GAB2: variants seen among roughly 807,000 people sequenced by gnomAD.
GAB2 encodes GRB2-associated-binding protein 2.
A neutral mutation model predicts 65.5 loss-of-function variants in GAB2; 26 were observed. That is an observed-to-expected ratio of 0.40 (90% CI 0.29 to 0.55). The LOEUF (loss-of-function observed/expected upper bound fraction) is 0.55, where lower values mean the gene tolerates loss of function less well. Among genes scored for constraint, GAB2 ranks in the 20% least tolerant of loss-of-function variants. The pLI, the probability that GAB2 is intolerant of heterozygous loss-of-function variation, is 0.53. For synonymous variants in GAB2, 321 were observed against 329.6 expected (o/e 0.97, Z 0.28); for missense variants, 884 against 875.8 (o/e 1.01, Z -0.12).
chr11:78,233,876 G>A (rs1864916339), intron 3 of GAB2, among the ~76,000 whole-genome samples: 1 of 152,226 alleles, frequency 6.6e-6, no homozygotes, highest in African/African-American at 2.4e-5. Flanking sequence ...CTCCCAAAGT[G>A]CTGAGATTAC....
chr11:78,266,728 T>C (rs1005195779), intron 2 of GAB2, among the ~76,000 whole-genome samples: 2 of 152,014 alleles, frequency 1.3e-5, no homozygotes, highest in Non-Finnish European at 2.9e-5. Context: ...GCAGAGAGAA[T>C]CACTAAGAGG....
chr11:78,411,610 G>A, intron 1 of GAB2, among the ~76,000 whole-genome samples: 1 of 152,130 alleles, frequency 6.6e-6, no homozygotes, highest in Non-Finnish European at 1.5e-5. Flanking sequence ...GAAGTAGGAT[G>A]GCTTTGTCAA....
intron 1 of GAB2, among the ~76,000 whole-genome samples, chr11:78,297,950 G>C (rs891301737): frequency 6.6e-6 from 1 of 152,128 alleles, no homozygotes; most frequent in Non-Finnish European, 1.5e-5. Flanking sequence ...TTGTTGAGGG[G>C]AATGGGCATA....
rs55656631 is a variant in GAB2 at position 78,216,898 on chromosome 11, G to A, written c.*2374C>T. On this transcript the variant is annotated 3_prime_UTR_variant, in exon 10 of 10. Transcript: ENST00000361507. ...CACCCTGCCAACTCTGCCCAGTGTA[G>A]CTACCACCACTGCTTCCATTCACTT... The A allele has an allele frequency of 6.6e-6, 1 of 152,292 alleles. No individual in the cohort carries two copies. The highest frequency in any genetic ancestry group is 2.4e-5 in the African/African-American group (1 of 41,444). 9.4% of individuals were successfully genotyped at this position (152,292 alleles called of 1,614,324 possible).
rs1267396988 is a variant in GAB2 at position 78,219,303 on chromosome 11, G to A, written c.2000C>T (p.Ser667Phe). 6.2e-7 allele frequency: 1 copy of A among 1,613,846 alleles called. No homozygotes were observed. Among genetic ancestry groups the A allele is most frequent in the South Asian group, 1.1e-5 (1 of 91,074 alleles). Residue 667 changes from serine to phenylalanine, a missense_variant, in exon 10 of 10, where the codon TCC becomes TTC. Transcript: ENST00000361507. ...CTTGGCACCCTTGGAAGGCTCTGAG[G>A]ACTGCCGCACGTCTGTCCACTCCTG... The part of the protein sequence containing the change: ...TMQEWTDVRQ[S>F]SEPSKGAKL
chr11:78,334,970 T>C (rs753869546), intron 1 of GAB2, among the ~76,000 whole-genome samples: 9 of 152,276 alleles, frequency 5.9e-5, no homozygotes, highest in Non-Finnish European at 8.8e-5. Context: ...CATTGTAGTT[T>C]TGATTATGTA....
intron 1 of GAB2, among the ~76,000 whole-genome samples, chr11:78,300,532 C>CAAAAAAAT (rs1255395653): frequency 7.9e-6 from 1 of 126,368 alleles, no homozygotes; most frequent in African/African-American, 2.6e-5. Context: ...AACAAAAAAA[C>CAAAAAAAT]AAAAAACTAC....
chr11:78,395,693 T>C (rs1398304117), intron 1 of GAB2, among the ~76,000 whole-genome samples: 3 of 152,156 alleles, frequency 2.0e-5, no homozygotes, highest in Non-Finnish European at 2.9e-5. Flanking sequence ...AAAAACACAA[T>C]TGTTCATGTT....
At chr11:78,341,341 C>T (rs1364735824) in intron 1 of GAB2, among the ~76,000 whole-genome samples, 13 of 151,990 alleles carry the variant, frequency 8.6e-5, no homozygotes, top group Admixed American at 2.0e-4. Context: ...AGAATGACAA[C>T]GAGATATATT....
intron 1 of GAB2, among the ~76,000 whole-genome samples, chr11:78,330,336 G>T (rs748870599): frequency 3.3e-5 from 5 of 152,110 alleles, no homozygotes; most frequent in African/African-American, 1.2e-4. Flanking sequence ...TAAAAATAAA[G>T]AAGTTTGAGT....
chr11:78,397,796 T>G (rs1309383328), intron 1 of GAB2, among the ~76,000 whole-genome samples: 1 of 151,834 alleles, frequency 6.6e-6, no homozygotes, highest in Non-Finnish European at 1.5e-5. Flanking sequence ...CTGTAGATAC[T>G]TATGTACACT....
chr11:78,306,697 G>A lies in GAB2; in HGVS notation c.76-25796C>T, dbSNP rs146862917. Reference sequence around the variant, plus strand: ...TTCAGGTACACAAGTGTTTGCAAGCGTCTTGAAGGCAGAGAGTGAAAGGAT... The same window carrying A: ...TTCAGGTACACAAGTGTTTGCAAGCATCTTGAAGGCAGAGAGTGAAAGGAT... On this transcript the variant is annotated intron_variant, in intron 1 of 9. Coordinates refer to ENST00000361507, the MANE Select transcript of GAB2 (RefSeq NM_080491.3). Among the ~76,000 whole-genome samples the A allele has an allele frequency of 4.9e-3, 742 of 152,300 alleles. 11 individuals carry two copies. The highest frequency in any genetic ancestry group is 0.017 in the African/African-American group (699 of 41,554).
chr11:78,368,108 G>A lies in GAB2; in HGVS notation c.75+49538C>T, dbSNP rs117184699. 3.9e-3 allele frequency among the ~76,000 whole-genome samples: 592 copies of A among 152,226 alleles called. 2 individuals carry two copies. The highest frequency in any genetic ancestry group is 7.4e-3 in the Admixed American group (114 of 15,304). ...TGGGATTACAGGCGTGAGCCACTGC[G>A]CCCGGCTGTCAGTGCTTAATTTTCT... On this transcript the variant is annotated intron_variant, in intron 1 of 9. Transcript: ENST00000361507.
At chr11:78,351,175 A>G (rs1856271865) in intron 1 of GAB2, among the ~76,000 whole-genome samples, 1 of 152,164 alleles carries the variant, frequency 6.6e-6, no homozygotes, top group Admixed American at 6.5e-5. Context: ...TTCACATGTC[A>G]TAGCCTAGTA....
At chr11:78,247,584 C>T (rs767840496) in intron 3 of GAB2, among the ~76,000 whole-genome samples, 5 of 152,032 alleles carry the variant, frequency 3.3e-5, no homozygotes, top group Admixed American at 1.3e-4. Context: ...ATATTCTCGA[C>T]GATATATTAT....
At chr11:78,394,935 C>G (rs1856876892) in intron 1 of GAB2, among the ~76,000 whole-genome samples, 1 of 152,194 alleles carries the variant, frequency 6.6e-6, no homozygotes, top group African/African-American at 2.4e-5. Flanking sequence ...GACCCACAGA[C>G]AGTGCTAGAC....
chr11:78,371,403 G>A (rs1856570046), intron 1 of GAB2, among the ~76,000 whole-genome samples: 1 of 152,198 alleles, frequency 6.6e-6, no homozygotes, highest in African/African-American at 2.4e-5. Context: ...TGGTTATAGT[G>A]AAGATTAAAT....
chr11:78,399,455 T>C (rs1021214113), intron 1 of GAB2, among the ~76,000 whole-genome samples: 2 of 152,222 alleles, frequency 1.3e-5, no homozygotes, highest in East Asian at 1.9e-4. Flanking sequence ...ATCTCACATA[T>C]TGATCTTTAC....
intron 1 of GAB2, among the ~76,000 whole-genome samples, chr11:78,330,133 C>G (rs528015838): frequency 6.6e-6 from 1 of 152,178 alleles, no homozygotes; most frequent in African/African-American, 2.4e-5. Flanking sequence ...CCCGAGACCA[C>G]AGCTATGGGG....
Sources: allele counts gnomAD v4.1 joint callset (sites outside exome capture counted in the v4.1 genomes callset), GRCh38; gene constraint gnomAD v4.1.1; transcripts MANE v1.5; gene names NCBI Gene and HGNC (gene_info 2026-07-23, HGNC 2026-07-21).